Variants in IQGAP2 observed in about 807,000 individuals in gnomAD.
The protein encoded by IQGAP2 is ras GTPase-activating-like protein IQGAP2.
In IQGAP2, 173 loss-of-function variants were observed where a neutral mutation model predicts 201.3. The observed-to-expected ratio is 0.86, with a 90% CI of 0.76 to 0.98. The LOEUF (loss-of-function observed/expected upper bound fraction) is 0.98, where lower values mean the gene tolerates loss of function less well. IQGAP2 is among the 50% of genes least tolerant of loss of function. The pLI is 0.00. For synonymous variants in IQGAP2, 675 were observed against 673.9 expected (o/e 1.00, Z -0.03); for missense variants, 1,687 against 1,864.8 (o/e 0.90, Z 1.76).
intron 17 of IQGAP2, among the ~76,000 whole-genome samples, chr5:76,650,297 G>GTGC (rs1752416634): frequency 6.6e-6 from 1 of 152,232 alleles, no homozygotes; most frequent in Non-Finnish European, 1.5e-5. Flanking sequence ...GTTTACACAT[G>GTGC]TGCGTATTTC....
chr5:76,434,286 G>T (rs920540415), intron 1 of IQGAP2, among the ~76,000 whole-genome samples: 6 of 152,110 alleles, frequency 3.9e-5, no homozygotes, highest in African/African-American at 1.4e-4. Context: ...TAGTGTGCTT[G>T]TCACCTGAGT....
chr5:76,545,872 A>G (rs1743061017), intron 2 of IQGAP2, among the ~76,000 whole-genome samples: 1 of 152,222 alleles, frequency 6.6e-6, no homozygotes, highest in Admixed American at 6.5e-5. Flanking sequence ...ATAAATATTA[A>G]TGGCTGTATA....
Position 76,500,334 on chromosome 5 carries a change from G to A in IQGAP2, c.146+38665G>A, listed in dbSNP as rs1398937633. Among the ~76,000 whole-genome samples the A allele has an allele frequency of 3.3e-5, 5 of 152,148 alleles. No homozygotes were observed. In the South Asian group the frequency reaches 1.0e-3, roughly 32 times the overall value. On this transcript the variant is annotated intron_variant, in intron 2 of 35. Coordinates refer to ENST00000274364, the MANE Select transcript of IQGAP2 (RefSeq NM_006633.5). ...AAGAAACGGAGATGTTCTTCCCATA[G>A]CTAGACTGTGTGGCTAAGCATAGCA...
chr5:76,518,902 T>G (rs184960301), intron 2 of IQGAP2, among the ~76,000 whole-genome samples: 4 of 152,314 alleles, frequency 2.6e-5, no homozygotes, highest in Admixed American at 2.6e-4. Context: ...TTCAAGTTTT[T>G]GGCTTGTGCA....
intron 2 of IQGAP2, among the ~76,000 whole-genome samples, chr5:76,519,244 A>G (rs1455931081): frequency 6.6e-6 from 1 of 152,022 alleles, no homozygotes; most frequent in Non-Finnish European, 1.5e-5. Context: ...TCTACTCCAA[A>G]CCCTTGGCAA....
intron 1 of IQGAP2, among the ~76,000 whole-genome samples, chr5:76,432,664 CA>C (rs1752442108): frequency 6.6e-6 from 1 of 152,210 alleles, no homozygotes; most frequent in Non-Finnish European, 1.5e-5. Flanking sequence ...TAAACGGTGC[CA>C]GGGACTGAGC....
intron 1 of IQGAP2, among the ~76,000 whole-genome samples, chr5:76,447,862 GGAT>G (rs1753489519): frequency 6.6e-6 from 1 of 152,176 alleles, no homozygotes; most frequent in African/African-American, 2.4e-5. Context: ...AATGAAAAAT[GGAT>G]GATTTTTTTA....
At chr5:76,701,339 A>G (rs1747371167) in intron 34 of IQGAP2, 126 bp downstream of exon 34, 2 of 861,176 alleles carry the variant, frequency 2.3e-6, no homozygotes, top group Non-Finnish European at 3.8e-6. Flanking sequence ...GGAAGAATAC[A>G]CAAATTGTTA....
chr5:76,633,253 A>C (rs1414643150), intron 15 of IQGAP2, among the ~76,000 whole-genome samples: 2 of 152,204 alleles, frequency 1.3e-5, no homozygotes, highest in Non-Finnish European at 2.9e-5. Flanking sequence ...AAAAAATGGC[A>C]GCAAGACTTT....
At chr5:76,550,858 G>C (rs984926420) in intron 2 of IQGAP2, among the ~76,000 whole-genome samples, 1 of 152,216 alleles carries the variant, frequency 6.6e-6, no homozygotes, top group Non-Finnish European at 1.5e-5. Context: ...TTCTCAATGA[G>C]CTGTTGGGTA....
chr5:76,479,391 G>A (rs184812157), intron 2 of IQGAP2, among the ~76,000 whole-genome samples: 1 of 152,088 alleles, frequency 6.6e-6, no homozygotes. Flanking sequence ...GATTCTGTTG[G>A]ATAGCCTTTG....
chr5:76,419,498 G>A (rs1362780917), intron 1 of IQGAP2, among the ~76,000 whole-genome samples: 5 of 151,808 alleles, frequency 3.3e-5, no homozygotes, highest in Non-Finnish European at 7.4e-5. Flanking sequence ...CACCACACCT[G>A]GCTAATTTTT....
intron 17 of IQGAP2, among the ~76,000 whole-genome samples, chr5:76,648,660 A>G (rs1482595228): frequency 6.6e-6 from 1 of 152,250 alleles, no homozygotes; most frequent in African/African-American, 2.4e-5. Context: ...TTTGAAGCAA[A>G]AGAAAGAACA....
intron 12 of IQGAP2, 150 bp downstream of exon 12, chr5:76,606,453 T>A (rs1261530464): frequency 1.9e-6 from 1 of 525,304 alleles, no homozygotes; most frequent in African/African-American, 1.9e-5. Flanking sequence ...TATAGGTAGA[T>A]TTTATGCCTA....
chr5:76,422,305 A>G (rs1751770673), intron 1 of IQGAP2, among the ~76,000 whole-genome samples: 1 of 152,198 alleles, frequency 6.6e-6, no homozygotes, highest in Admixed American at 6.5e-5. Context: ...TAGATTGCTG[A>G]GGCCACAGGG....
At chr5:76,695,199 T>C (rs1341195337) in intron 31 of IQGAP2, among the ~76,000 whole-genome samples, 1 of 152,212 alleles carries the variant, frequency 6.6e-6, no homozygotes, top group Non-Finnish European at 1.5e-5. Context: ...ATATGTCCAT[T>C]ACTATAGTGA....
chr5:76,695,281 T>G (rs2150544181), intron 31 of IQGAP2, among the ~76,000 whole-genome samples, 173 bp from the exon 32 acceptor site: 1 of 152,336 alleles, frequency 6.6e-6, no homozygotes, highest in Non-Finnish European at 1.5e-5. Flanking sequence ...AAAGATGAAG[T>G]AATTCCTTTC....
intron 27 of IQGAP2, 28 bp from the exon 28 acceptor site, chr5:76,677,190 G>C: frequency 6.2e-7 from 1 of 1,606,698 alleles, no homozygotes; most frequent in East Asian, 2.2e-5. Context: ...GTTTGAGTCT[G>C]TCTTAAGACT....
intron 2 of IQGAP2, among the ~76,000 whole-genome samples, chr5:76,496,757 C>CTTTTCT (rs780938080): frequency 2.5e-5 from 2 of 79,268 alleles, no homozygotes; most frequent in Admixed American, 1.2e-4. Flanking sequence ...TTCTTTCTTT[C>CTTTTCT]TTTCTTTCTT....
Sources: gnomAD v4.1 joint callset for allele counts (sites outside exome capture counted in the v4.1 genomes callset) on GRCh38, gnomAD v4.1.1 for gene constraint, MANE v1.5 for transcripts, NCBI Gene and HGNC (gene_info 2026-07-23, HGNC 2026-07-21) for gene names.